UNC13C: variants seen among roughly 807,000 people sequenced by gnomAD.
UNC13C encodes protein unc-13 homolog C.
UNC13C carries 174 observed loss-of-function variants against 245.4 expected under a neutral mutation model. The ratio of observed to expected loss-of-function variants is 0.71; its 90% CI spans 0.63 to 0.80. The LOEUF (loss-of-function observed/expected upper bound fraction) is 0.80. Ranked by LOEUF, UNC13C falls within the 30% of genes least tolerant of loss-of-function variation. The pLI is 0.00. For synonymous variants in UNC13C, 992 were observed against 895.1 expected (o/e 1.11, Z -1.93); for missense variants, 2,829 against 2,602.9 (o/e 1.09, Z -1.89).
chr15:54,121,729 A>G (rs1375487423), intron 2 of UNC13C, among the ~76,000 whole-genome samples: 1 of 151,992 alleles, frequency 6.6e-6, no homozygotes, highest in East Asian at 1.9e-4. Context: ...GTCTTTATAT[A>G]TTAATTTTTA....
intron 21 of UNC13C, among the ~76,000 whole-genome samples, chr15:54,500,506 C>T (rs986252777): frequency 1.3e-5 from 2 of 152,068 alleles, no homozygotes; most frequent in African/African-American, 4.8e-5. Flanking sequence ...CAGACATTCT[C>T]CCAGTCCCTG....
At chr15:54,218,909 T>A (rs2035128060) in intron 4 of UNC13C, among the ~76,000 whole-genome samples, 1 of 152,040 alleles carries the variant, frequency 6.6e-6, no homozygotes, top group African/African-American at 2.4e-5. Flanking sequence ...AAGGACCTCT[T>A]CAAGGAGAAC....
intron 17 of UNC13C, among the ~76,000 whole-genome samples, chr15:54,391,817 T>C (rs2039962862): frequency 6.6e-6 from 1 of 152,106 alleles, no homozygotes; most frequent in Admixed American, 6.6e-5. Flanking sequence ...CTAAGTGAGT[T>C]CACTATAGGA....
chr15:53,915,018 A>G, the UNC13C span, among the ~76,000 whole-genome samples: 2 of 152,182 alleles, frequency 1.3e-5, no homozygotes, highest in Admixed American at 1.3e-4. Flanking sequence ...GTCATAATGG[A>G]GGCTTTCCCA....
chr15:54,098,605 T>C (rs1314219766), intron 2 of UNC13C, among the ~76,000 whole-genome samples: 3 of 152,302 alleles, frequency 2.0e-5, no homozygotes, highest in Non-Finnish European at 4.4e-5. Context: ...TCATGTTTTT[T>C]TTTCTTAGTA....
chr15:54,176,023 C>G (rs2033601284), intron 4 of UNC13C, among the ~76,000 whole-genome samples: 2 of 152,190 alleles, frequency 1.3e-5, no homozygotes, highest in Non-Finnish European at 2.9e-5. Context: ...TATCTCCTTC[C>G]TCATCTCTCA....
chr15:54,540,203 A>T (rs1327854277), intron 26 of UNC13C, among the ~76,000 whole-genome samples: 1 of 152,090 alleles, frequency 6.6e-6, no homozygotes, highest in Non-Finnish European at 1.5e-5. Context: ...AATGAGTACA[A>T]TATTTATTTC....
the UNC13C span, among the ~76,000 whole-genome samples, chr15:53,843,762 A>T: frequency 6.6e-6 from 1 of 152,324 alleles, no homozygotes; most frequent in African/African-American, 2.4e-5. Context: ...TCAGCACAGA[A>T]GCCTGATAAG....
At chr15:54,038,122 A>ATTTTTTTTTT (rs1355738786) in intron 2 of UNC13C, among the ~76,000 whole-genome samples, 73 of 50,240 alleles carry the variant, frequency 1.5e-3, no homozygotes, top group African/African-American at 2.5e-3. Flanking sequence ...ATATATATAT[A>ATTTTTTTTTT]TATTTTTTTT....
chr15:53,840,099 G>A, the UNC13C span, among the ~76,000 whole-genome samples: 1 of 151,804 alleles, frequency 6.6e-6, no homozygotes, highest in Non-Finnish European at 1.5e-5. Flanking sequence ...TTTACAGTTA[G>A]GTGTCTCTGC....
chr15:54,325,239 A>G (rs979974235), intron 14 of UNC13C, among the ~76,000 whole-genome samples: 1 of 151,996 alleles, frequency 6.6e-6, no homozygotes, highest in Non-Finnish European at 1.5e-5. Context: ...ATGCAATTTA[A>G]TTCCAACATT....
At chr15:54,218,083 A>T (rs1469206325) in intron 4 of UNC13C, among the ~76,000 whole-genome samples, 1 of 152,006 alleles carries the variant, frequency 6.6e-6, no homozygotes, top group Non-Finnish European at 1.5e-5. Flanking sequence ...TAGTGGAGAC[A>T]TTCCCTGTGA....
rs536853411 is a variant in UNC13C, at chr15:54,579,807, T to C, written c.6106+11860T>C. 7.2e-5 allele frequency among the ~76,000 whole-genome samples: 11 copies of C among 152,312 alleles called. 1 individual carries two copies. In the South Asian group the frequency reaches 1.9e-3, roughly 26 times the overall value. ...CTTTAGGATTTAAAGAATCTTATAA[T>C]TGCTTTGTGAGTAGCACAATCGCCT... On this transcript the variant is annotated intron_variant, in intron 30 of 32. Coordinates refer to ENST00000260323, the MANE Select transcript of UNC13C (RefSeq NM_001080534.3).
intron 17 of UNC13C, among the ~76,000 whole-genome samples, chr15:54,341,194 T>G (rs969616205): frequency 6.6e-6 from 1 of 152,128 alleles, no homozygotes; most frequent in African/African-American, 2.4e-5. Context: ...AGCAAAGACA[T>G]GGAATCAACC....
intron 1 of UNC13C, among the ~76,000 whole-genome samples, chr15:53,985,759 C>T (rs1894112317): frequency 1.3e-5 from 2 of 152,058 alleles, no homozygotes; most frequent in Admixed American, 6.6e-5. Context: ...AATGTCAACT[C>T]ACTGTGGCGT....
chr15:54,555,937 A>AT (rs1897070061), intron 29 of UNC13C, among the ~76,000 whole-genome samples: 2 of 152,036 alleles, frequency 1.3e-5, no homozygotes, highest in African/African-American at 4.8e-5. Flanking sequence ...ATTATTTTTA[A>AT]AATATCAACC....
chr15:54,255,483 G>C (rs1018133684), intron 8 of UNC13C, among the ~76,000 whole-genome samples: 1 of 152,074 alleles, frequency 6.6e-6, no homozygotes, highest in African/African-American at 2.4e-5. Flanking sequence ...TCTTCCACTC[G>C]GCATGCTCCC....
At chr15:54,370,550 A>T (rs551769249) in intron 17 of UNC13C, among the ~76,000 whole-genome samples, 137 of 152,308 alleles carry the variant, frequency 9.0e-4, no homozygotes, top group African/African-American at 3.2e-3. Context: ...CCACTGCTTC[A>T]GTGCTAATTC....
the UNC13C span, among the ~76,000 whole-genome samples, chr15:53,899,041 A>T: frequency 6.6e-6 from 1 of 151,948 alleles, no homozygotes; most frequent in Non-Finnish European, 1.5e-5. Context: ...CGTTCTTCCA[A>T]TGTGTTTCCA....
Sources: gnomAD v4.1 joint callset for allele counts (sites outside exome capture counted in the v4.1 genomes callset) on GRCh38, gnomAD v4.1.1 for gene constraint, MANE v1.5 for transcripts, NCBI Gene and HGNC (gene_info 2026-07-23, HGNC 2026-07-21) for gene names.